The following OSBPL11 variants were observed in gnomAD, a reference collection of about 807,000 sequenced individuals.
OSBPL11 encodes the protein oxysterol binding protein like 11, also known as oxysterol-binding protein-related protein 11.
In OSBPL11, 33 loss-of-function variants were observed where a neutral mutation model predicts 84.4. That is an observed-to-expected ratio of 0.39 (90% CI 0.30 to 0.52). OSBPL11 has a LOEUF of 0.52. Ranked by LOEUF, OSBPL11 falls within the 20% of genes least tolerant of loss-of-function variation. The pLI, the probability that OSBPL11 is intolerant of heterozygous loss-of-function variation, is 0.72. For synonymous variants in OSBPL11, 276 were observed against 310.2 expected (o/e 0.89, Z 1.16); for missense variants, 736 against 901.1 (o/e 0.82, Z 2.35).
intron 10 of OSBPL11, among the ~76,000 whole-genome samples, chr3:125,539,345 A>AT (rs1935692555): frequency 2.7e-5 from 3 of 109,630 alleles, no homozygotes; most frequent in South Asian, 2.9e-4. Context: ...ATATATATAT[A>AT]ATAGCTATAT....
intron 1 of OSBPL11, among the ~76,000 whole-genome samples, chr3:125,589,692 C>T (rs1325178077): frequency 6.6e-6 from 1 of 151,816 alleles, no homozygotes; most frequent in Admixed American, 6.6e-5. Context: ...ACCTCTAAGA[C>T]CATGAACATT....
chr3:125,591,873 T>C (rs1303203646), intron 1 of OSBPL11, among the ~76,000 whole-genome samples: 1 of 152,070 alleles, frequency 6.6e-6, no homozygotes, highest in African/African-American at 2.4e-5. Context: ...CATGGTGGTG[T>C]ACACCTGTAG....
At chr3:125,577,058 T>C (rs1936337431) in intron 4 of OSBPL11, among the ~76,000 whole-genome samples, 1 of 152,204 alleles carries the variant, frequency 6.6e-6, no homozygotes, top group East Asian at 1.9e-4. Context: ...CCAAGTATCC[T>C]TTGATACAAA....
chr3:125,550,220 C>T (rs1035671832), intron 9 of OSBPL11, among the ~76,000 whole-genome samples: 20 of 151,772 alleles, frequency 1.3e-4, no homozygotes, highest in African/African-American at 4.4e-4. Flanking sequence ...ACAAAAAATA[C>T]AAAAATTGGT....
intron 1 of OSBPL11, among the ~76,000 whole-genome samples, chr3:125,592,401 T>C (rs770712853): frequency 2.6e-5 from 4 of 152,146 alleles, no homozygotes; most frequent in Non-Finnish European, 4.4e-5. Flanking sequence ...AAAAGAGGAA[T>C]AAGAGGTCTG....
chr3:125,559,855 T>C (rs1936049502), intron 8 of OSBPL11, among the ~76,000 whole-genome samples: 1 of 151,914 alleles, frequency 6.6e-6, no homozygotes, highest in Non-Finnish European at 1.5e-5. Flanking sequence ...AAGGCCAGCT[T>C]GATTATAGGC....
chr3:125,538,341 G>C, intron 11 of OSBPL11, 110 bp downstream of exon 11: 3 of 955,676 alleles, frequency 3.1e-6, no homozygotes, highest in Non-Finnish European at 4.7e-6. Flanking sequence ...AATTTACAAA[G>C]CTGATGCAAC....
chr3:125,533,860 A>G (rs1935598104), intron 11 of OSBPL11, among the ~76,000 whole-genome samples: 1 of 152,236 alleles, frequency 6.6e-6, no homozygotes, highest in Non-Finnish European at 1.5e-5. Flanking sequence ...TAGAATAAAT[A>G]CACAGAAAAT....
intron 1 of OSBPL11, among the ~76,000 whole-genome samples, chr3:125,591,241 C>CT: frequency 6.6e-6 from 1 of 152,318 alleles, no homozygotes; most frequent in South Asian, 2.1e-4. Flanking sequence ...AATCTTGAGT[C>CT]TATTATATTA....
intron 10 of OSBPL11, among the ~76,000 whole-genome samples, chr3:125,539,672 A>G (rs952752538): frequency 2.6e-5 from 4 of 151,266 alleles, no homozygotes; most frequent in Non-Finnish European, 5.9e-5. Context: ...CTGGTCTTGA[A>G]CTCCAACCTC....
intron 5 of OSBPL11, among the ~76,000 whole-genome samples, chr3:125,571,224 T>C (rs2107604622): frequency 6.6e-6 from 1 of 152,286 alleles, no homozygotes; most frequent in South Asian, 2.1e-4. Context: ...AGAGAGATGA[T>C]TTAAGTATCT....
rs56164804 is a variant in OSBPL11 at position 125,534,951 on chromosome 3, G to GAAAAAAAAAA, written c.2025-2947_2025-2938dup. 1.5e-3 allele frequency among the ~76,000 whole-genome samples: 99 copies of GAAAAAAAAAA among 64,648 alleles called. 8 individuals carry two copies. Among genetic ancestry groups the GAAAAAAAAAA allele is most frequent in the Non-Finnish European group, 2.0e-3 (74 of 36,986 alleles). The allele number at this position is 64,648 out of a possible 152,430, so 42.4% of individuals were successfully genotyped here. Reference sequence around the variant, plus strand: ...CCTAAGCTTCCATTGTAAGAAATTAGAAAAAAAAAAAAAAAAAAAAAAAAA... The same window carrying GAAAAAAAAAA: ...CCTAAGCTTCCATTGTAAGAAATTAGAAAAAAAAAAAAAAAAAAAAAAAAAAAAAAAAAAA... On this transcript the variant is annotated intron_variant, in intron 11 of 12. Coordinates refer to ENST00000296220, the MANE Select transcript of OSBPL11 (RefSeq NM_022776.5).
At chr3:125,593,843 T>G (rs932668817) in intron 1 of OSBPL11, among the ~76,000 whole-genome samples, 4 of 152,164 alleles carry the variant, frequency 2.6e-5, no homozygotes, top group Admixed American at 2.6e-4. Flanking sequence ...AACTTAAGAA[T>G]TCATCCCTTT....
chr3:125,550,371 T>TCA (rs58412964), intron 9 of OSBPL11, among the ~76,000 whole-genome samples: 6,591 of 132,156 alleles, frequency 0.05, 186 homozygotes, highest in Non-Finnish European at 0.066. Context: ...CTAGACCGTG[T>TCA]CACACACACA....
At chr3:125,545,609 T>C (rs1935800566) in intron 10 of OSBPL11, among the ~76,000 whole-genome samples, 1 of 152,106 alleles carries the variant, frequency 6.6e-6, no homozygotes, top group South Asian at 2.1e-4. Context: ...TATATAGATA[T>C]ATGTATATAT....
intron 9 of OSBPL11, among the ~76,000 whole-genome samples, chr3:125,550,371 TCACACACACACACACACA>T (rs58412964): frequency 4.5e-5 from 6 of 132,244 alleles, no homozygotes; most frequent in Non-Finnish European, 6.3e-5. Flanking sequence ...CTAGACCGTG[TCACACACACACACACACA>T]CACACACACA....
chr3:125,559,826 C>A (rs1936049193), intron 8 of OSBPL11, among the ~76,000 whole-genome samples: 1 of 151,814 alleles, frequency 6.6e-6, no homozygotes, highest in African/African-American at 2.4e-5. Flanking sequence ...GAGAGTGGAT[C>A]ATTTGAGATC....
intron 9 of OSBPL11, among the ~76,000 whole-genome samples, chr3:125,550,191 T>G (rs1250172353): frequency 6.6e-6 from 1 of 151,850 alleles, no homozygotes; most frequent in Non-Finnish European, 1.5e-5. Context: ...TTGGGCAACA[T>G]GGCAAAAATC....
intron 4 of OSBPL11, among the ~76,000 whole-genome samples, chr3:125,578,182 C>T (rs1936360327): frequency 1.3e-5 from 2 of 152,254 alleles, no homozygotes; most frequent in African/African-American, 4.8e-5. Context: ...AAATATTACT[C>T]AGTCTTAAAA....
Sources: gnomAD v4.1 joint callset for allele counts (sites outside exome capture counted in the v4.1 genomes callset) on GRCh38, gnomAD v4.1.1 for gene constraint, MANE v1.5 for transcripts, NCBI Gene and HGNC (gene_info 2026-07-23, HGNC 2026-07-21) for gene names.